Variants in CDKL1 observed in about 807,000 individuals in gnomAD.
CDKL1 encodes the protein cyclin-dependent kinase-like 1.
In CDKL1, 41 loss-of-function variants were observed where a neutral mutation model predicts 42.0. The observed-to-expected ratio is 0.98, with a 90% CI of 0.76 to 1.27. The LOEUF (loss-of-function observed/expected upper bound fraction) is 1.27, where lower values mean the gene tolerates loss of function less well. CDKL1 is among the 50% of genes most tolerant of loss of function. CDKL1 has a pLI of 0.00. For missense variants in CDKL1, 394 were observed against 428.4 expected (o/e 0.92, Z 0.71); for synonymous variants, 153 against 158.6 (o/e 0.96, Z 0.26).
At chr14:50,332,581 T>C in intron 8 of CDKL1, 149 bp from the exon 9 acceptor site, 1 of 1,481,726 alleles carries the variant, frequency 6.7e-7, no homozygotes, top group Non-Finnish European at 9.1e-7. Flanking sequence ...TTTTAGTTCC[T>C]TCCAGTCATT....
At chr14:50,392,004 A>T (rs1168981261) in intron 2 of CDKL1, among the ~76,000 whole-genome samples, 1 of 152,164 alleles carries the variant, frequency 6.6e-6, no homozygotes, top group Non-Finnish European at 1.5e-5. Flanking sequence ...TTGCTGATGA[A>T]GGTTTCATTC....
intron 2 of CDKL1, among the ~76,000 whole-genome samples, chr14:50,366,166 G>A (rs1308291913): frequency 6.6e-6 from 1 of 152,182 alleles, no homozygotes; most frequent in East Asian, 1.9e-4. Flanking sequence ...TCTGCATCAG[G>A]TATTGGTGAA....
chr14:50,361,441 G>C (rs1306346969), intron 2 of CDKL1, among the ~76,000 whole-genome samples: 2 of 152,158 alleles, frequency 1.3e-5, no homozygotes, highest in Non-Finnish European at 2.9e-5. Flanking sequence ...CCTGAGACTG[G>C]GTAATTTATA....
At chr14:50,343,138 A>G (rs937371370) in intron 4 of CDKL1, 1 of 793,758 alleles carries the variant, frequency 1.3e-6, no homozygotes, top group African/African-American at 1.9e-5. Flanking sequence ...ACAAATCAAC[A>G]ACCTAATTAA....
chr14:50,394,051 A>G (rs1269820817), intron 2 of CDKL1, among the ~76,000 whole-genome samples: 1 of 152,242 alleles, frequency 6.6e-6, no homozygotes, highest in Non-Finnish European at 1.5e-5. Context: ...TTGGGGAGCT[A>G]TCACTGTTAA....
At chr14:50,342,906 C>G in intron 4 of CDKL1, 1 of 1,334,826 alleles carries the variant, frequency 7.5e-7, no homozygotes, top group South Asian at 1.2e-5. Flanking sequence ...CAGCCCTCAC[C>G]CTCTGGGGAG....
At chr14:50,354,981 T>C (rs1016081472) in intron 3 of CDKL1, among the ~76,000 whole-genome samples, 1 of 152,132 alleles carries the variant, frequency 6.6e-6, no homozygotes, top group South Asian at 2.1e-4. Context: ...ACTAGTAATA[T>C]TCAGATTACT....
Position 50,395,971 on chromosome 14 carries a change from G to C in CDKL1, c.-103C>G, listed in dbSNP as rs1417396207. On this transcript the variant is annotated 5_prime_UTR_variant, in exon 2 of 10. Transcript: ENST00000395834. Reference sequence around the variant, plus strand: ...AGGCTGAGGCGGGCAGATCACCTGAGGTCAGGAGTTCGAGACCAGTCTGGC... The same window carrying C: ...AGGCTGAGGCGGGCAGATCACCTGACGTCAGGAGTTCGAGACCAGTCTGGC... 8.7e-7 allele frequency: 1 copy of C among 1,145,040 alleles called. No homozygotes were observed. Among genetic ancestry groups the C allele is most frequent in the East Asian group, 2.5e-5 (1 of 40,638 alleles). The allele number at this position is 1,145,040 out of a possible 1,614,324, so 70.9% of individuals were successfully genotyped here. A position where few individuals can be genotyped will look rare whatever the true frequency, so the allele number is the denominator to read the frequency against.
chr14:50,367,648 G>C (rs964658708), intron 2 of CDKL1, among the ~76,000 whole-genome samples: 7 of 152,222 alleles, frequency 4.6e-5, no homozygotes, highest in Non-Finnish European at 1.0e-4. Flanking sequence ...TTAATAGACA[G>C]AACAGGTTAA....
chr14:50,373,861 G>C (rs1024805981), intron 2 of CDKL1, among the ~76,000 whole-genome samples: 2 of 152,188 alleles, frequency 1.3e-5, no homozygotes, highest in African/African-American at 2.4e-5. Context: ...TTGGAAAACA[G>C]TTTGGCAGTT....
intron 2 of CDKL1, among the ~76,000 whole-genome samples, chr14:50,359,797 T>TTA (rs368034175): frequency 8.3e-6 from 1 of 120,928 alleles, no homozygotes; most frequent in Non-Finnish European, 1.7e-5. Context: ...GTGTCTAGAT[T>TTA]AAAAAAAAAA....
At chr14:50,339,253 G>T (rs1435555716) in intron 6 of CDKL1, among the ~76,000 whole-genome samples, 2 of 149,156 alleles carry the variant, frequency 1.3e-5, no homozygotes, top group African/African-American at 5.2e-5. Flanking sequence ...AACAGAAACT[G>T]AGGGCTACAA....
chr14:50,394,624 G>A (rs896619280), intron 2 of CDKL1, among the ~76,000 whole-genome samples: 2 of 152,200 alleles, frequency 1.3e-5, no homozygotes, highest in African/African-American at 2.4e-5. Flanking sequence ...TTGTCACATA[G>A]TAGTTATACA....
chr14:50,335,798 G>C, intron 7 of CDKL1: 1 of 985,356 alleles, frequency 1.0e-6, no homozygotes, highest in Non-Finnish European at 1.2e-6. Context: ...AGCTTTCACA[G>C]TACAGTATTA....
At chr14:50,382,322 G>A (rs968224309) in intron 2 of CDKL1, among the ~76,000 whole-genome samples, 3 of 152,088 alleles carry the variant, frequency 2.0e-5, no homozygotes, top group South Asian at 4.1e-4. Flanking sequence ...GCGTGGTAGC[G>A]GGCGCCTGTA....
rs2033585741 is a variant in CDKL1 at position 50,342,620 on chromosome 14, G to A, written c.364-398C>T. On this transcript the variant is annotated intron_variant, in intron 4 of 9. Transcript: ENST00000395834. ...ATCTGAAATTCAAATTTAACAGGGT[G>A]TCCTGTATTTAATCTGACAGTTTTA... 9 of 222,498 alleles carry A rather than the reference G, an allele frequency of 4.0e-5. No homozygotes were observed. The South Asian group carries it at 7.4e-4, about 18-fold the overall frequency. The allele number at this position is 222,498 out of a possible 1,614,324, so 13.8% of individuals were successfully genotyped here. A position where few individuals can be genotyped will look rare whatever the true frequency, so the allele number is the denominator to read the frequency against.
chr14:50,379,275 G>T (rs543814562), intron 2 of CDKL1, among the ~76,000 whole-genome samples: 62 of 152,266 alleles, frequency 4.1e-4, no homozygotes, highest in African/African-American at 1.5e-3. Flanking sequence ...CAAGGAGGGG[G>T]AAATATTAGA....
In CDKL1 at chr14:50,390,163, T is replaced by C. The variant is rs1410581230; in HGVS notation, c.168+5538A>G. On this transcript the variant is annotated intron_variant, in intron 2 of 9. Coordinates refer to ENST00000395834, the MANE Select transcript of CDKL1 (RefSeq NM_004196.7). Reference sequence around the variant, plus strand: ...AGCAGTAGATGATTCCTTCTCTTTGTCTCACTTGTTTTTCTTGTTTTCTGG... The same window carrying C: ...AGCAGTAGATGATTCCTTCTCTTTGCCTCACTTGTTTTTCTTGTTTTCTGG... 4 of 1,366,166 alleles carry C rather than the reference T, an allele frequency of 2.9e-6. No homozygotes were observed. In the African/African-American group the frequency reaches 5.9e-5, roughly 20 times the overall value. The allele number at this position is 1,366,166 out of a possible 1,614,324, so 84.6% of individuals were successfully genotyped here.
chr14:50,352,068 T>C (rs991590123), intron 3 of CDKL1, among the ~76,000 whole-genome samples: 25 of 152,328 alleles, frequency 1.6e-4, no homozygotes, highest in Admixed American at 7.8e-4. Context: ...ATTATACTGC[T>C]GGATTTGATT....
Sources: gnomAD v4.1 joint callset for allele counts (sites outside exome capture counted in the v4.1 genomes callset) on GRCh38, gnomAD v4.1.1 for gene constraint, MANE v1.5 for transcripts, NCBI Gene and HGNC (gene_info 2026-07-23, HGNC 2026-07-21) for gene names.